Variants in NMT1 observed in about 807,000 individuals in gnomAD.
NMT1 encodes the protein N-myristoyltransferase 1.
In NMT1, 12 loss-of-function variants were observed where a neutral mutation model predicts 63.4. That is an observed-to-expected ratio of 0.19 (90% confidence interval 0.12 to 0.31). NMT1 has a LOEUF of 0.31. Among genes scored for constraint, NMT1 ranks in the 10% least tolerant of loss-of-function variants. The pLI, the probability that NMT1 is intolerant of heterozygous loss-of-function variation, is 1.00. For synonymous variants in NMT1, 228 were observed against 234.3 expected (o/e 0.97, Z 0.25); for missense variants, 432 against 634.6 (o/e 0.68, Z 3.43).
chr17:45,089,648 T>C (rs1296752550), intron 3 of NMT1, among the ~76,000 whole-genome samples: 1 of 151,412 alleles, frequency 6.6e-6, no homozygotes, highest in African/African-American at 2.4e-5. Context: ...CCCTCTCTTT[T>C]ATTTTCTTGA....
intron 1 of NMT1, among the ~76,000 whole-genome samples, chr17:45,074,086 G>T (rs1033694109): frequency 6.6e-6 from 1 of 151,948 alleles, no homozygotes; most frequent in African/African-American, 2.4e-5. Context: ...CCAGCATTGC[G>T]CTCTATTTCT....
Position 45,085,475 on chromosome 17 carries a change from A to AT in NMT1, c.241-1033_241-1032insT, listed in dbSNP as rs201470895. 1.6e-4 allele frequency among the ~76,000 whole-genome samples: 25 copies of AT among 152,268 alleles called. No individual in the cohort carries two copies. The East Asian group carries it at 3.1e-3, about 19-fold the overall frequency. On this transcript the variant is annotated intron_variant, in intron 2 of 11. Coordinates refer to ENST00000258960, the MANE Select transcript of NMT1 (RefSeq NM_021079.5). The stretch of plus-strand genomic sequence containing the variant: ...TATGATCCAATTTTAGTTTTTGAAA[A>AT]GTGTGTGTGCATTTGGAACTTGTAT...
At chr17:45,081,850 C>A in intron 2 of NMT1, 98 bp downstream of exon 2, 3 of 893,300 alleles carry the variant, frequency 3.4e-6, no homozygotes, top group East Asian at 2.7e-5. Context: ...ACGTTCTCCA[C>A]TGGTATTACT....
At chr17:45,075,828 G>C (rs2053973968) in intron 1 of NMT1, among the ~76,000 whole-genome samples, 1 of 152,154 alleles carries the variant, frequency 6.6e-6, no homozygotes, top group African/African-American at 2.4e-5. Context: ...CTAGCACTTT[G>C]AGCGGCTGAG....
chr17:45,073,598 C>T (rs1658792576), intron 1 of NMT1, among the ~76,000 whole-genome samples: 1 of 152,206 alleles, frequency 6.6e-6, no homozygotes, highest in Admixed American at 6.5e-5. Flanking sequence ...TCACTTTCCT[C>T]ATTACTTCTA....
intron 2 of NMT1, among the ~76,000 whole-genome samples, chr17:45,085,233 A>G (rs1402542704): frequency 6.6e-6 from 1 of 152,154 alleles, no homozygotes; most frequent in African/African-American, 2.4e-5. Flanking sequence ...AGCCTGGGCA[A>G]CAGAGCGAGA....
chr17:45,097,887 G>A (rs1159641615), intron 6 of NMT1, among the ~76,000 whole-genome samples: 6 of 152,190 alleles, frequency 3.9e-5, no homozygotes, highest in Admixed American at 3.3e-4. Context: ...GGGCCAGAGC[G>A]AGTGTGACCC....
intron 1 of NMT1, among the ~76,000 whole-genome samples, chr17:45,062,299 A>G (rs1423666830): frequency 6.6e-6 from 1 of 152,218 alleles, no homozygotes; most frequent in Admixed American, 6.5e-5. Context: ...TCTGTAAGCC[A>G]CAGCTTATTC....
At chr17:45,072,097 T>C (rs1040923153) in intron 1 of NMT1, among the ~76,000 whole-genome samples, 2 of 151,810 alleles carry the variant, frequency 1.3e-5, no homozygotes, top group African/African-American at 4.8e-5. Flanking sequence ...ACAAAACATA[T>C]AAAAATTAGC....
intron 1 of NMT1, among the ~76,000 whole-genome samples, chr17:45,063,384 A>T (rs914406546): frequency 2.0e-5 from 3 of 152,182 alleles, no homozygotes; most frequent in African/African-American, 7.2e-5. Context: ...AGGAAGTAGG[A>T]ACAGGAAGAA....
chr17:45,078,177 T>G (rs538072325), intron 1 of NMT1, among the ~76,000 whole-genome samples: 67 of 152,188 alleles, frequency 4.4e-4, no homozygotes, highest in African/African-American at 1.4e-3. Flanking sequence ...GTGATAGGCC[T>G]AGGGAAAAAT....
Position 45,078,094 on chromosome 17 carries a change from CA to C in NMT1, c.132-3549del, listed in dbSNP as rs2053989021. Among the ~76,000 whole-genome samples the C allele has an allele frequency of 2.0e-5, 3 of 152,282 alleles. No individual in the cohort carries two copies. The South Asian group carries it at 6.2e-4, about 32-fold the overall frequency. On this transcript the variant is annotated intron_variant, in intron 1 of 11. Transcript: ENST00000258960. ...TCTCCCTGTCACAGTCTTTCTGCATCAGGGGCACTGAGAGGCCCGGCCAGAT... is the reference window on the plus strand; with the variant it reads ...TCTCCCTGTCACAGTCTTTCTGCATCGGGGCACTGAGAGGCCCGGCCAGAT...
intron 4 of NMT1, among the ~76,000 whole-genome samples, chr17:45,095,392 G>A (rs1598016354): frequency 1.3e-5 from 2 of 152,274 alleles, no homozygotes; most frequent in African/African-American, 4.8e-5. Flanking sequence ...ACAGGCTTGA[G>A]CCACCACACC....
rs555635530 is a variant in NMT1, at chr17:45,104,069, G to A, written c.1332+193G>A. The A allele has an allele frequency of 5.3e-6, 8 of 1,517,754 alleles. No homozygotes were observed. In the Admixed American group the frequency reaches 1.3e-4, roughly 24 times the overall value. The allele number at this position is 1,517,754 out of a possible 1,614,324, so 94.0% of individuals were successfully genotyped here. A position where few individuals can be genotyped will look rare whatever the true frequency, so the allele number is the denominator to read the frequency against. On this transcript the variant is annotated intron_variant, in intron 10 of 11. Coordinates refer to ENST00000258960, the MANE Select transcript of NMT1 (RefSeq NM_021079.5). This position sits in a 1 kb window ranked among gnomAD's most constrained non-coding sequence, Gnocchi z 4.2. ...TTGGAGGGAACAAGGAGCATCCGAA[G>A]TGAAGGCATTGAACTCCTCCTGATT...
At chr17:45,101,972 C>A (rs991058087) in intron 8 of NMT1, among the ~76,000 whole-genome samples, 2 of 152,224 alleles carry the variant, frequency 1.3e-5, no homozygotes, top group African/African-American at 4.8e-5. Flanking sequence ...TCTTAGAGTG[C>A]TGCAGCAGCA....
At chr17:45,090,293 AAAAT>A (rs2054079779) in intron 3 of NMT1, among the ~76,000 whole-genome samples, 1 of 152,152 alleles carries the variant, frequency 6.6e-6, no homozygotes, top group Non-Finnish European at 1.5e-5. Context: ...CAAAGATTAA[AAAAT>A]AAATAAATAA....
intron 1 of NMT1, among the ~76,000 whole-genome samples, chr17:45,076,890 T>C (rs34361243): frequency 0.017 from 2,578 of 152,322 alleles, 55 homozygotes; most frequent in South Asian, 0.07. Context: ...TGAAATTTGC[T>C]CTCTGATTTT....
intron 2 of NMT1, among the ~76,000 whole-genome samples, chr17:45,082,175 T>C (rs2054021122): frequency 6.6e-6 from 1 of 152,118 alleles, no homozygotes; most frequent in Non-Finnish European, 1.5e-5. Flanking sequence ...TTCATGATTA[T>C]AGCTCACTGC....
In NMT1 at chr17:45,099,527, C is replaced by T. The variant is rs778267952; in HGVS notation, c.993+14C>T. 3.8e-5 allele frequency: 60 copies of T among 1,584,456 alleles called. No homozygotes were observed. The highest frequency in any genetic ancestry group is 1.8e-4 in the Admixed American group (11 of 59,982). ...CGACTGCCAGAGGCCAGTGCTGCCCCGGGTGGTGGGCAGGGGGCAGAGAGA... is the reference window on the plus strand; with the variant it reads ...CGACTGCCAGAGGCCAGTGCTGCCCTGGGTGGTGGGCAGGGGGCAGAGAGA... On this transcript the variant is annotated intron_variant, in intron 8 of 11. Coordinates refer to ENST00000258960, the MANE Select transcript of NMT1 (RefSeq NM_021079.5).
Sources: gnomAD v4.1 joint callset for allele counts (sites outside exome capture counted in the v4.1 genomes callset) on GRCh38, gnomAD v4.1.1 for gene constraint, Gnocchi (gnomAD v3.1) non-coding constraint, MANE v1.5 for transcripts, NCBI Gene and HGNC (gene_info 2026-07-23, HGNC 2026-07-21) for gene names.